The following TBL1X variants were observed in gnomAD, a reference collection of about 807,000 sequenced individuals.
TBL1X encodes the protein F-box-like/WD repeat-containing protein TBL1X.
TBL1X carries 10 observed loss-of-function variants against 50.7 expected under a neutral mutation model. The observed-to-expected ratio is 0.20, with a 90% CI of 0.12 to 0.33. TBL1X has a LOEUF of 0.33. Ranked by LOEUF, TBL1X falls within the 10% of genes least tolerant of loss-of-function variation. The probability of loss-of-function intolerance (pLI) is 1.00; values close to 1 mark genes in which losing one functional copy is unlikely to be tolerated. For missense variants in TBL1X, 340 were observed against 504.4 expected, an observed-to-expected ratio of 0.67 and a Z score of 3.12; for synonymous variants, 190 against 214.7, an observed-to-expected ratio of 0.88 and a Z score of 1.01.
chrX:9,705,986 C>T (rs1054061055), intron 13 of TBL1X, among the ~76,000 whole-genome samples: 13 of 110,910 alleles, frequency 1.2e-4, no homozygotes, highest in Admixed American at 9.6e-4. Context: ...GGAGCAGGCA[C>T]CTCACATGGC....
chrX:9,709,688 A>G lies in TBL1X; in HGVS notation c.1367A>G (p.Glu456Gly). The G allele has an allele frequency of 8.3e-7, 1 of 1,210,129 alleles. No individual in the cohort carries two copies. The highest frequency in any genetic ancestry group is 1.1e-6 in the Non-Finnish European group (1 of 894,537). Residue 456 changes from glutamate to glycine, a missense_variant, in exon 15 of 18, where the codon GAG becomes GGG. Physicochemically the swap from Glu to Gly is moderately conservative, Grantham distance 98 (BLOSUM62 -2). Around this residue, in one of 6 missense-constraint regions of TBL1X, gnomAD observed 170 missense variants for 272.6 expected, o/e 0.62. Transcript: ENST00000645353. ...CATGATCTTCAGGCTCACAATAAAG[A>G]GATCTACACCATCAAGTGGAGCCCC... ...CIHDLQAHNK[E>G]IYTIKWSPTG... is the part of the protein sequence containing the mutation.
chrX:9,649,035 A>G (rs1336921081), intron 3 of TBL1X, among the ~76,000 whole-genome samples: 1 of 111,775 alleles, frequency 8.9e-6, no homozygotes, highest in Non-Finnish European at 1.9e-5. Flanking sequence ...CAAGTGAGCC[A>G]CTTAGAGATA....
In TBL1X at chrX:9,501,808, C is replaced by T. The variant is rs1406501297; in HGVS notation, c.-172C>T. 1 of 111,585 alleles carries T rather than the reference C, an allele frequency of 9.0e-6. No individual in the cohort carries two copies. Among genetic ancestry groups the T allele is most frequent in the Non-Finnish European group, 1.9e-5 (1 of 53,050 alleles). The allele number at this position is 111,585 out of a possible 1,213,427, so 9.2% of individuals were successfully genotyped here. A position where few individuals can be genotyped will look rare whatever the true frequency, so the allele number is the denominator to read the frequency against. ...TCCGTGAGGGTGGAAGAAAATCATA[C>T]CATATCAGATGCCTCGCAGAGCACC... On this transcript the variant is annotated 5_prime_UTR_variant, in exon 2 of 18. Transcript: ENST00000645353.
chrX:9,541,382 A>G (rs1018919638), intron 2 of TBL1X, among the ~76,000 whole-genome samples: 5 of 111,697 alleles, frequency 4.5e-5, no homozygotes, highest in Admixed American at 1.9e-4. Context: ...GATTTAGCCA[A>G]CAACAAACTG....
intron 11 of TBL1X, among the ~76,000 whole-genome samples, chrX:9,694,771 C>T (rs7881168): frequency 0.033 from 3,604 of 110,384 alleles, 130 homozygotes; most frequent in African/African-American, 0.11. Context: ...GTCGGGAGTT[C>T]GAGACCAGCC....
chrX:9,716,130 G>A (rs1449252303), intron 17 of TBL1X, 90 bp from the exon 18 acceptor site: 1 of 980,330 alleles, frequency 1.0e-6, no homozygotes, highest in African/African-American at 1.9e-5. Flanking sequence ...GGCTAGATTG[G>A]GCGTGGGGGC....
chrX:9,633,940 A>AG (rs1220842948), intron 2 of TBL1X, among the ~76,000 whole-genome samples: 1 of 111,412 alleles, frequency 9.0e-6, no homozygotes, highest in Non-Finnish European at 1.9e-5. Context: ...AGGGGTTCAC[A>AG]GGATACGTGC....
At chrX:9,573,737 A>C in intron 2 of TBL1X, among the ~76,000 whole-genome samples, 1 of 113,018 alleles carries the variant, frequency 8.8e-6, no homozygotes, top group East Asian at 2.8e-4. Flanking sequence ...TGAGGAAGTC[A>C]TCAGTGCTGA....
intron 12 of TBL1X, among the ~76,000 whole-genome samples, chrX:9,698,902 C>T (rs1260033179): frequency 0.086 from 3 of 35 alleles, no homozygotes; most frequent in East Asian, 1. Flanking sequence ...AGGCCACATG[C>T]GTTACCCAGG....
chrX:9,504,225 A>C (rs977011771), intron 2 of TBL1X, among the ~76,000 whole-genome samples: 18 of 111,937 alleles, frequency 1.6e-4, no homozygotes, highest in Admixed American at 9.5e-4. Flanking sequence ...TGAAAGAAAA[A>C]CAAGCAGAAA....
chrX:9,626,151 C>T (rs1041287537), intron 2 of TBL1X, among the ~76,000 whole-genome samples: 1 of 111,098 alleles, frequency 9.0e-6, no homozygotes, highest in Non-Finnish European at 1.9e-5. Context: ...TGACACGTGT[C>T]GCGTGTGTCT....
chrX:9,504,351 T>A (rs1355325136), intron 2 of TBL1X, among the ~76,000 whole-genome samples: 1 of 111,550 alleles, frequency 9.0e-6, no homozygotes, highest in Non-Finnish European at 1.9e-5. Context: ...TGAGAAAGAA[T>A]GAAAAAATGC....
chrX:9,475,753 C>T, intron 1 of TBL1X, among the ~76,000 whole-genome samples: 1 of 110,890 alleles, frequency 9.0e-6, no homozygotes. Flanking sequence ...AAATGCCAAC[C>T]TCAAGTGGTT....
At chrX:9,692,557 G>A (rs918404668) in intron 9 of TBL1X, among the ~76,000 whole-genome samples, 2 of 112,296 alleles carry the variant, frequency 1.8e-5, no homozygotes, top group African/African-American at 6.5e-5. Context: ...ACAGGCTCAT[G>A]CCACCACACC....
chrX:9,693,380 C>T lies in TBL1X; in HGVS notation c.1014C>T (p.Asn338=), dbSNP rs759367964. ...HKGPIFALKW[N]RKGNYILSAG... ...GCCCCATCTTTGCCTTGAAATGGAA[C>T]CGAAAGGGGAATTACATTTTGAGTG... Residue 338 remains asparagine, a synonymous_variant, in exon 11 of 18, where the codon AAC becomes AAT. Coordinates refer to ENST00000645353, the MANE Select transcript of TBL1X (RefSeq NM_005647.4). 2 of 1,210,100 alleles carry T rather than the reference C, an allele frequency of 1.7e-6. No individual in the cohort carries two copies. Among genetic ancestry groups the T allele is most frequent in the East Asian group, 5.9e-5 (2 of 33,781 alleles).
intron 2 of TBL1X, among the ~76,000 whole-genome samples, chrX:9,632,674 CA>C (rs768819592): frequency 2.1e-4 from 24 of 111,812 alleles, no homozygotes; most frequent in African/African-American, 7.5e-4. Context: ...TGATGAAAAC[CA>C]GTGTTTATTA....
chrX:9,469,164 TTTTG>T (rs59630737), intron 1 of TBL1X, among the ~76,000 whole-genome samples: 4 of 108,819 alleles, frequency 3.7e-5, no homozygotes, highest in Non-Finnish European at 5.7e-5. Context: ...AACATGCCTT[TTTTG>T]TTTGTTTGTT....
intron 2 of TBL1X, among the ~76,000 whole-genome samples, chrX:9,583,366 C>T (rs937466240): frequency 5.3e-5 from 6 of 112,236 alleles, no homozygotes; most frequent in African/African-American, 1.9e-4. Context: ...CAAATGAGGT[C>T]ACATTCAGTC....
intron 2 of TBL1X, among the ~76,000 whole-genome samples, chrX:9,556,350 A>G (rs895170358): frequency 9.0e-6 from 1 of 110,632 alleles, no homozygotes; most frequent in Non-Finnish European, 1.9e-5. Flanking sequence ...TTAAAACTAC[A>G]CACATTTACT....
Sources: allele counts gnomAD v4.1 joint callset (sites outside exome capture counted in the v4.1 genomes callset), GRCh38; gene constraint gnomAD v4.1.1; regional missense constraint gnomAD v4.1.1; transcripts MANE v1.5; gene names NCBI Gene and HGNC (gene_info 2026-07-23, HGNC 2026-07-21).